The following SLC66A3 variants were observed in gnomAD, a reference collection of about 807,000 sequenced individuals.
SLC66A3 encodes the protein solute carrier family 66 member 3, also known as PQ loop repeat containing 3.
In SLC66A3, 23 loss-of-function variants were observed where a neutral mutation model predicts 25.5. That is an observed-to-expected ratio of 0.90 (90% CI 0.65 to 1.28). SLC66A3 has a LOEUF of 1.28. Ranked by LOEUF, SLC66A3 falls within the 50% of genes most tolerant of loss-of-function variation. The pLI, the probability that SLC66A3 is intolerant of heterozygous loss-of-function variation, is 0.00. For synonymous variants in SLC66A3, 108 were observed against 112.6 expected (o/e 0.96, Z 0.26); for missense variants, 246 against 262.1 (o/e 0.94, Z 0.42).
rs902800688 is a variant in SLC66A3, at chr2:11,155,671, T to C, written c.125T>C (p.Leu42Ser). 6.9e-7 allele frequency: 1 copy of C among 1,459,768 alleles called. No individual in the cohort carries two copies. The highest frequency in any genetic ancestry group is 2.5e-5 in the Admixed American group (1 of 40,174). 90.4% of individuals were successfully genotyped at this position (1,459,768 alleles called of 1,614,324 possible). A position where few individuals can be genotyped will look rare whatever the true frequency, so the allele number is the denominator to read the frequency against. ...RSARGLSLPS[L>S]LLELAGFLVF... is the part of the protein sequence containing the mutation. ...GCGCGGGGCCTCAGCCTTCCGAGTT[T>C]ACTTCTGGAGCTGGCAGGGTAAGGC... The change falls in exon 1 of 7, where the codon TTA (leucine) becomes TCA (serine). Residue 42 changes from leucine to serine, a missense_variant. By Grantham distance (145) the Leu-to-Ser change is moderately radical. Around this residue, in one of 3 missense-constraint regions of SLC66A3, gnomAD observed 142 missense variants for 130.3 expected, o/e 1.09. Transcript: ENST00000295083.
intron 6 of SLC66A3, 80 bp downstream of exon 6, chr2:11,175,089 T>A: frequency 9.6e-7 from 1 of 1,046,804 alleles, no homozygotes; most frequent in Non-Finnish European, 1.4e-6. Context: ...TCTTAGGGTT[T>A]AATGGATGGA....
Position 11,173,444 on chromosome 2 carries a change from C to T in SLC66A3, c.475+1399C>T, listed in dbSNP as rs563860732. On this transcript the variant is annotated intron_variant, in intron 5 of 6. Coordinates refer to ENST00000295083, the MANE Select transcript of SLC66A3 (RefSeq NM_152391.5). ...GTTTGTCTGAGAGTCCTTTGTTGGC[C>T]GCCTTCCTAACTGAAGTCTTCTGTC... 2.6e-5 allele frequency among the ~76,000 whole-genome samples: 4 copies of T among 152,218 alleles called. 1 individual carries two copies. The highest frequency in any genetic ancestry group is 3.9e-4 in the East Asian group (2 of 5,186).
At chr2:11,167,312 G>A (rs1438804039) in intron 4 of SLC66A3, among the ~76,000 whole-genome samples, 10 of 152,202 alleles carry the variant, frequency 6.6e-5, no homozygotes, top group South Asian at 2.1e-4. Flanking sequence ...GTGTGGTGGC[G>A]CATGCCTGTA....
chr2:11,172,439 G>A (rs1019012163), intron 5 of SLC66A3, among the ~76,000 whole-genome samples: 2 of 152,220 alleles, frequency 1.3e-5, no homozygotes, highest in African/African-American at 4.8e-5. Flanking sequence ...AATGAAATGT[G>A]TAGTGATGGA....
intron 1 of SLC66A3, among the ~76,000 whole-genome samples, chr2:11,157,727 G>T (rs1378186139): frequency 6.6e-6 from 1 of 152,268 alleles, no homozygotes; most frequent in African/African-American, 2.4e-5. Flanking sequence ...AATAATGCCA[G>T]AAAAGCCTTT....
chr2:11,156,712 G>C (rs191898410), intron 1 of SLC66A3, among the ~76,000 whole-genome samples: 1 of 151,072 alleles, frequency 6.6e-6, no homozygotes, highest in Admixed American at 6.6e-5. Flanking sequence ...AAATTTTTGG[G>C]AAAGGCTTGC....
At chr2:11,170,665 T>C (rs1425898304) in intron 4 of SLC66A3, among the ~76,000 whole-genome samples, 1 of 151,606 alleles carries the variant, frequency 6.6e-6, no homozygotes, top group East Asian at 1.9e-4. Flanking sequence ...CTCAGCTCAC[T>C]GCAACTTCTG....
At chr2:11,173,986 G>A (rs893215260) in intron 5 of SLC66A3, among the ~76,000 whole-genome samples, 2 of 152,198 alleles carry the variant, frequency 1.3e-5, no homozygotes, top group South Asian at 2.1e-4. Flanking sequence ...ACAGAGTTTC[G>A]CTCTTTCGCT....
At chr2:11,172,087 C>A (rs1662577133) in intron 5 of SLC66A3, 42 bp downstream of exon 5, 1 of 1,607,216 alleles carries the variant, frequency 6.2e-7, no homozygotes, top group Non-Finnish European at 8.5e-7. Flanking sequence ...TTTGGTAGCA[C>A]CAAGTGTCTA....
At chr2:11,159,457 C>G (rs1046540275) in intron 1 of SLC66A3, among the ~76,000 whole-genome samples, 1 of 152,194 alleles carries the variant, frequency 6.6e-6, no homozygotes, top group African/African-American at 2.4e-5. Flanking sequence ...ACTCGGGGAC[C>G]AGGCCTGTGG....
intron 1 of SLC66A3, among the ~76,000 whole-genome samples, chr2:11,157,103 C>T (rs1403659175): frequency 6.6e-6 from 1 of 152,208 alleles, no homozygotes; most frequent in Non-Finnish European, 1.5e-5. Context: ...GCCCCTAGGC[C>T]TGCATTTCCA....
chr2:11,156,542 G>C (rs932588308), intron 1 of SLC66A3, among the ~76,000 whole-genome samples: 2 of 152,172 alleles, frequency 1.3e-5, no homozygotes, highest in African/African-American at 4.8e-5. Flanking sequence ...GCGGGGTGGG[G>C]GGTGCGGCAT....
intron 4 of SLC66A3, among the ~76,000 whole-genome samples, chr2:11,169,077 C>T (rs775714618): frequency 4.3e-4 from 65 of 152,036 alleles, no homozygotes; most frequent in Non-Finnish European, 7.4e-4. Flanking sequence ...AGGCTGGTCT[C>T]GAACTCCTGG....
chr2:11,159,871 G>A (rs11895098), intron 1 of SLC66A3, among the ~76,000 whole-genome samples: 48,934 of 152,148 alleles, frequency 0.32, 9,775 homozygotes, highest in African/African-American at 0.55. Flanking sequence ...CACAGCCGGA[G>A]TCTTCTTAGC....
Position 11,160,611 on chromosome 2 carries a change from CCT to C in SLC66A3, c.227-7_227-6del. 2.5e-6 allele frequency: 4 copies of C among 1,614,154 alleles called. No homozygotes were observed. The highest frequency in any genetic ancestry group is 1.3e-5 in the African/African-American group (1 of 75,036). ...TCTCCCCTTCCCCCCTCACTCGGAG[CCT>C]CTCTCTTTCAGATGTCATCCTCCTG... On this transcript the variant is annotated splice_polypyrimidine_tract_variant and intron_variant, in intron 2 of 6. Coordinates refer to ENST00000295083, the MANE Select transcript of SLC66A3 (RefSeq NM_152391.5).
chr2:11,157,451 C>T (rs1296264955), intron 1 of SLC66A3, among the ~76,000 whole-genome samples: 3 of 152,276 alleles, frequency 2.0e-5, no homozygotes, highest in African/African-American at 7.2e-5. Context: ...AGGACCCATC[C>T]TCCTGGCCCT....
At chr2:11,163,989 C>G (rs758295527) in intron 3 of SLC66A3, among the ~76,000 whole-genome samples, 44 of 152,202 alleles carry the variant, frequency 2.9e-4, no homozygotes, top group Non-Finnish European at 5.9e-4. Context: ...TATTTCTCTT[C>G]TGTAACCTGT....
At chr2:11,156,442 C>G (rs960084953) in intron 1 of SLC66A3, among the ~76,000 whole-genome samples, 1 of 152,172 alleles carries the variant, frequency 6.6e-6, no homozygotes, top group Non-Finnish European at 1.5e-5. Context: ...CTCGCCCCTT[C>G]CCCCTGGCCA....
At chr2:11,159,913 C>T (rs374838570) in intron 1 of SLC66A3, among the ~76,000 whole-genome samples, 1 of 152,348 alleles carries the variant, frequency 6.6e-6, no homozygotes, top group East Asian at 1.9e-4. Flanking sequence ...CGCTTTCCCC[C>T]ACTGCCCTCT....
Sources: allele counts gnomAD v4.1 joint callset (sites outside exome capture counted in the v4.1 genomes callset), GRCh38; gene constraint gnomAD v4.1.1; regional missense constraint gnomAD v4.1.1; transcripts MANE v1.5; gene names NCBI Gene and HGNC (gene_info 2026-07-23, HGNC 2026-07-21).